Variants in THRB observed in about 807,000 individuals in gnomAD.
The protein encoded by THRB is nuclear receptor subfamily 1 group A member 2.
A neutral mutation model predicts 47.8 loss-of-function variants in THRB; 12 were observed. That is an observed-to-expected ratio of 0.25 (90% confidence interval 0.16 to 0.41). The LOEUF (loss-of-function observed/expected upper bound fraction) is 0.41, where lower values mean the gene tolerates loss of function less well. Among genes scored for constraint, THRB ranks in the 10% least tolerant of loss-of-function variants. The pLI is 1.00. For synonymous variants in THRB, 218 were observed against 212.2 expected, an observed-to-expected ratio of 1.03 and a Z score of -0.24; for missense variants, 348 against 589.2, an observed-to-expected ratio of 0.59 and a Z score of 4.24.
At chr3:24,159,750 T>TGTG (rs1008757200) in intron 5 of THRB, among the ~76,000 whole-genome samples, 2 of 151,296 alleles carry the variant, frequency 1.3e-5, no homozygotes, top group African/African-American at 2.4e-5. Context: ...TGTGTGTGTG[T>TGTG]GTGTGTGTGT....
chr3:24,330,671 C>A (rs943405093), intron 2 of THRB, among the ~76,000 whole-genome samples: 1 of 152,128 alleles, frequency 6.6e-6, no homozygotes, highest in Non-Finnish European at 1.5e-5. Context: ...GATGTCAGAA[C>A]AGAAATCACA....
intron 7 of THRB, 151 bp downstream of exon 7, chr3:24,146,524 T>G: frequency 5.0e-6 from 4 of 797,014 alleles, no homozygotes; most frequent in Non-Finnish European, 4.1e-6. Context: ...CAAGCCTGGA[T>G]GTGGGGAGTG....
chr3:24,356,121 C>A (rs4632486), intron 1 of THRB, among the ~76,000 whole-genome samples: 30,141 of 151,882 alleles, frequency 0.2, 3,339 homozygotes, highest in East Asian at 0.36. Flanking sequence ...CCAAACAGAA[C>A]TAGGAAAAAA....
At chr3:24,338,521 A>T (rs908054539) in intron 1 of THRB, among the ~76,000 whole-genome samples, 1 of 152,236 alleles carries the variant, frequency 6.6e-6, no homozygotes, top group Non-Finnish European at 1.5e-5. Context: ...TAACTGCCAC[A>T]TTGAGTAAAT....
intron 3 of THRB, among the ~76,000 whole-genome samples, chr3:24,293,446 ATATAC>A (rs1490870747): frequency 2.6e-5 from 4 of 152,244 alleles, no homozygotes; most frequent in African/African-American, 9.6e-5. Flanking sequence ...ATTTAAAATT[ATATAC>A]TATGTCAAAC....
intron 1 of THRB, among the ~76,000 whole-genome samples, chr3:24,411,694 G>T (rs2068314124): frequency 6.6e-6 from 1 of 151,722 alleles, no homozygotes; most frequent in Non-Finnish European, 1.5e-5. Flanking sequence ...CAATACCTGG[G>T]AACATTTTTT....
Position 24,414,401 on chromosome 3 carries a change from A to C in THRB, c.-260-77030T>G, listed in dbSNP as rs538462872. On this transcript the variant is annotated intron_variant, in intron 1 of 10. Coordinates refer to ENST00000646209, the MANE Select transcript of THRB (RefSeq NM_001354712.2). ...TTCTCCTTCCTGAGTCCTTCCAGGC[A>C]TGTTAAATAAACAGAACATATCTAT... 2.0e-5 allele frequency among the ~76,000 whole-genome samples: 3 copies of C among 151,998 alleles called. No homozygotes were observed. The East Asian group carries it at 5.9e-4, about 30-fold the overall frequency.
chr3:24,321,905 G>C (rs1335876240), intron 2 of THRB, among the ~76,000 whole-genome samples: 1 of 151,918 alleles, frequency 6.6e-6, no homozygotes, highest in Non-Finnish European at 1.5e-5. Context: ...CTGGTTACTT[G>C]TTGGAATACT....
At chr3:24,166,760 G>A (rs1459897035) in intron 5 of THRB, among the ~76,000 whole-genome samples, 1 of 152,122 alleles carries the variant, frequency 6.6e-6, no homozygotes, top group Non-Finnish European at 1.5e-5. Context: ...GCTGGTCCAT[G>A]AGCATGTGAC....
intron 1 of THRB, among the ~76,000 whole-genome samples, chr3:24,416,229 G>C (rs1560134567): frequency 6.6e-6 from 1 of 151,766 alleles, no homozygotes; most frequent in Admixed American, 6.6e-5. Context: ...AAGACACAGG[G>C]ATACAAGTTT....
Position 24,121,257 on chromosome 3 carries a change from G to A in THRB, c.*1627C>T, listed in dbSNP as rs1041192908. 3.9e-5 allele frequency: 6 copies of A among 152,546 alleles called. No individual in the cohort carries two copies. Among genetic ancestry groups the A allele is most frequent in the Admixed American group, 6.5e-5 (1 of 15,280 alleles). The allele number at this position is 152,546 out of a possible 1,614,324, so 9.4% of individuals were successfully genotyped here. A position where few individuals can be genotyped will look rare whatever the true frequency, so the allele number is the denominator to read the frequency against. ...ACAAATCTACCAGTTGACAGAGCAC[G>A]AACTAGAACTCAGGCACCCAGACTT... On this transcript the variant is annotated 3_prime_UTR_variant, in exon 11 of 11. Coordinates refer to ENST00000646209, the MANE Select transcript of THRB (RefSeq NM_001354712.2).
chr3:24,339,789 A>G (rs1362109579), intron 1 of THRB, among the ~76,000 whole-genome samples: 1 of 152,182 alleles, frequency 6.6e-6, no homozygotes, highest in African/African-American at 2.4e-5. Flanking sequence ...AGGGGCTGTG[A>G]ATTTCTTCAT....
intron 4 of THRB, among the ~76,000 whole-genome samples, chr3:24,201,315 T>C (rs1367506389): frequency 6.6e-6 from 1 of 152,102 alleles, no homozygotes; most frequent in Non-Finnish European, 1.5e-5. Context: ...TGATCTCTAC[T>C]TGGGTCAGGT....
chr3:24,393,281 T>C (rs1371501518), intron 1 of THRB, among the ~76,000 whole-genome samples: 1 of 152,172 alleles, frequency 6.6e-6, no homozygotes, highest in African/African-American at 2.4e-5. Context: ...GACGACTGAA[T>C]ACCCACTATC....
chr3:24,156,677 A>G (rs1384665467), intron 5 of THRB, among the ~76,000 whole-genome samples: 3 of 152,348 alleles, frequency 2.0e-5, no homozygotes, highest in Non-Finnish European at 4.4e-5. Context: ...ACTCAGAGCC[A>G]GTAGGTATCT....
At chr3:24,338,492 T>C (rs545822789) in intron 1 of THRB, among the ~76,000 whole-genome samples, 23 of 152,358 alleles carry the variant, frequency 1.5e-4, no homozygotes, top group African/African-American at 5.5e-4. Context: ...CACGCTAATC[T>C]ATACCAGCTC....
intron 1 of THRB, among the ~76,000 whole-genome samples, chr3:24,436,253 G>A (rs1488228522): frequency 1.3e-5 from 2 of 151,876 alleles, no homozygotes; most frequent in Admixed American, 1.3e-4. Context: ...AACAGAAGAA[G>A]GAATACTGGC....
intron 8 of THRB, among the ~76,000 whole-genome samples, chr3:24,141,182 C>T (rs773947799): frequency 6.6e-6 from 1 of 152,212 alleles, no homozygotes; most frequent in Non-Finnish European, 1.5e-5. Flanking sequence ...ATGGTTCTGA[C>T]AGAAGCCTAA....
At chr3:24,289,709 G>A (rs1033324900) in intron 3 of THRB, among the ~76,000 whole-genome samples, 3 of 152,202 alleles carry the variant, frequency 2.0e-5, no homozygotes, top group African/African-American at 7.2e-5. Context: ...TGCAGCCTAG[G>A]CTAAAATATC....
Sources: allele counts gnomAD v4.1 joint callset (sites outside exome capture counted in the v4.1 genomes callset), GRCh38; gene constraint gnomAD v4.1.1; transcripts MANE v1.5; gene names NCBI Gene and HGNC (gene_info 2026-07-23, HGNC 2026-07-21).